ANKRD44: variants seen among roughly 807,000 people sequenced by gnomAD.
ANKRD44 encodes the protein ankyrin repeat domain 44, also known as serine/threonine-protein phosphatase 6 regulatory ankyrin repeat subunit B.
Under a neutral mutation model 116.0 loss-of-function variants are expected in ANKRD44, and 35 were observed. The observed-to-expected ratio is 0.30, with a 90% CI of 0.23 to 0.40. The LOEUF is 0.40. Among genes scored for constraint, ANKRD44 ranks in the 10% least tolerant of loss-of-function variants. The pLI, the probability that ANKRD44 is intolerant of heterozygous loss-of-function variation, is 1.00. For missense variants in ANKRD44, 1,014 were observed against 1,242.6 expected (o/e 0.82, Z 2.77); for synonymous variants, 435 against 461.8 (o/e 0.94, Z 0.74).
chr2:197,048,185 T>A (rs1245124043), intron 16 of ANKRD44, among the ~76,000 whole-genome samples: 1 of 152,154 alleles, frequency 6.6e-6, no homozygotes, highest in Admixed American at 6.6e-5. Context: ...ATTTTTAATG[T>A]ATTCATTGTA....
chr2:196,970,429 T>TG (rs1263927727), intron 21 of ANKRD44, among the ~76,000 whole-genome samples: 1 of 152,248 alleles, frequency 6.6e-6, no homozygotes, highest in Non-Finnish European at 1.5e-5. Flanking sequence ...TGAGTTCAGT[T>TG]CCTTTTACTC....
chr2:197,070,973 A>G (rs1183088430), intron 16 of ANKRD44, among the ~76,000 whole-genome samples: 2 of 152,158 alleles, frequency 1.3e-5, no homozygotes, highest in Non-Finnish European at 2.9e-5. Flanking sequence ...GTGTTTTTCA[A>G]TGAATGAGTC....
chr2:197,236,656 C>CA (rs35309161), intron 1 of ANKRD44, among the ~76,000 whole-genome samples: 15,964 of 138,694 alleles, frequency 0.12, 932 homozygotes, highest in Non-Finnish European at 0.13. Flanking sequence ...CCATTTAATG[C>CA]AAAAATAGTC....
chr2:197,097,598 G>A (rs2078190948), intron 10 of ANKRD44, among the ~76,000 whole-genome samples: 1 of 152,150 alleles, frequency 6.6e-6, no homozygotes, highest in Non-Finnish European at 1.5e-5. Flanking sequence ...CTATTTGTCA[G>A]CATTCTCCTC....
chr2:197,054,077 T>C (rs2077160870), intron 16 of ANKRD44, among the ~76,000 whole-genome samples: 1 of 152,222 alleles, frequency 6.6e-6, no homozygotes, highest in African/African-American at 2.4e-5. Context: ...TGGCCGGTTA[T>C]AGGACATATT....
intron 8 of ANKRD44, among the ~76,000 whole-genome samples, chr2:197,113,927 A>G (rs2078649556): frequency 6.6e-6 from 1 of 152,228 alleles, no homozygotes; most frequent in Non-Finnish European, 1.5e-5. Context: ...AAATTGGGAC[A>G]GAAAGCATTA....
At chr2:197,224,656 G>A (rs974010542) in intron 1 of ANKRD44, among the ~76,000 whole-genome samples, 3 of 151,818 alleles carry the variant, frequency 2.0e-5, no homozygotes, top group South Asian at 2.1e-4. Flanking sequence ...GGTTTGTTGC[G>A]CTTTTCTATA....
intron 1 of ANKRD44, among the ~76,000 whole-genome samples, chr2:197,310,149 G>C (rs2105940323): frequency 6.6e-6 from 1 of 152,334 alleles, no homozygotes; most frequent in South Asian, 2.1e-4. Context: ...ACTCCTGCTA[G>C]GTTTGGGGAG....
At chr2:197,059,133 A>G (rs951250559) in intron 16 of ANKRD44, among the ~76,000 whole-genome samples, 5 of 152,048 alleles carry the variant, frequency 3.3e-5, no homozygotes, top group African/African-American at 9.7e-5. Context: ...AGGGCCAGAG[A>G]GAGTAGAGGG....
intron 1 of ANKRD44, among the ~76,000 whole-genome samples, chr2:197,197,286 G>A (rs183410939): frequency 1.2e-4 from 19 of 152,110 alleles, no homozygotes; most frequent in East Asian, 7.7e-4. Flanking sequence ...GAAAACATTC[G>A]ATAATATAAA....
At chr2:197,066,561 C>A (rs2077437825) in intron 16 of ANKRD44, among the ~76,000 whole-genome samples, 1 of 152,214 alleles carries the variant, frequency 6.6e-6, no homozygotes, top group African/African-American at 2.4e-5. Context: ...AGCCCAAACT[C>A]TCCTTAAGCT....
Position 197,258,808 on chromosome 2 carries a change from G to A in ANKRD44, c.27+51770C>T, listed in dbSNP as rs533053633. 5.3e-5 allele frequency among the ~76,000 whole-genome samples: 8 copies of A among 152,224 alleles called. No homozygotes were observed. The South Asian group carries it at 1.7e-3, about 32-fold the overall frequency. On this transcript the variant is annotated intron_variant, in intron 1 of 27. Transcript: ENST00000282272. The stretch of plus-strand genomic sequence containing the variant: ...GAGTATGAAGTGGTATCTCATTTGT[G>A]GTTTTGACTGGCATTTCCCTAATGA...
At chr2:197,162,953 G>A (rs766455789) in intron 2 of ANKRD44, among the ~76,000 whole-genome samples, 15 of 152,194 alleles carry the variant, frequency 9.9e-5, no homozygotes, top group Admixed American at 2.6e-4. Flanking sequence ...ATATGAGGGC[G>A]GCCTGCAGGT....
intron 12 of ANKRD44, 58 bp downstream of exon 12, chr2:197,088,652 TC>T (rs1553505115): frequency 5.8e-5 from 1 of 17,202 alleles, no homozygotes. Flanking sequence ...ACAACTTAAG[TC>T]AAGTCAATAA....
chr2:197,176,224 A>G (rs1396771018), intron 2 of ANKRD44, among the ~76,000 whole-genome samples: 2 of 152,240 alleles, frequency 1.3e-5, no homozygotes, highest in Non-Finnish European at 2.9e-5. Flanking sequence ...TGGGAAATAA[A>G]TAAACTTCTA....
intron 8 of ANKRD44, among the ~76,000 whole-genome samples, chr2:197,116,880 T>C (rs1170250681): frequency 6.6e-6 from 1 of 152,180 alleles, no homozygotes; most frequent in African/African-American, 2.4e-5. Flanking sequence ...AAACTAAATA[T>C]ATTGGTTTAA....
chr2:197,310,346 G>A (rs1030793899), intron 1 of ANKRD44, among the ~76,000 whole-genome samples: 2 of 129,500 alleles, frequency 1.5e-5, no homozygotes, highest in East Asian at 2.6e-4. Context: ...CAGCGCCCAC[G>A]GGCCCTGCCC....
intron 8 of ANKRD44, among the ~76,000 whole-genome samples, chr2:197,117,804 G>A (rs547110867): frequency 5.9e-5 from 9 of 152,116 alleles, no homozygotes; most frequent in Non-Finnish European, 1.2e-4. Flanking sequence ...TCTTACCAAT[G>A]CCAGTTTTAT....
At chr2:196,979,430 G>GGGTT (rs1041432381) in intron 21 of ANKRD44, among the ~76,000 whole-genome samples, 17 of 149,708 alleles carry the variant, frequency 1.1e-4, no homozygotes, top group African/African-American at 4.2e-4. Context: ...CTACTTTCTA[G>GGGTT]GGTTGTTTTA....
Sources: allele counts gnomAD v4.1 joint callset (sites outside exome capture counted in the v4.1 genomes callset), GRCh38; gene constraint gnomAD v4.1.1; transcripts MANE v1.5; gene names NCBI Gene and HGNC (gene_info 2026-07-23, HGNC 2026-07-21).